Variants in ZNF469 observed in about 807,000 individuals in gnomAD.
The protein encoded by ZNF469 is zinc finger protein 469.
A neutral mutation model predicts 1.0 loss-of-function variants in ZNF469; 1 was observed. That is an observed-to-expected ratio of 1.00 (90% CI 0.35 to 4.73). The LOEUF (loss-of-function observed/expected upper bound fraction) is 4.73, where lower values mean the gene tolerates loss of function less well. ZNF469 is among the 30% of genes most tolerant of loss of function. The pLI is 0.16. For missense variants in ZNF469, 6,100 were observed against 5,356.3 expected (o/e 1.14, Z -4.33); for synonymous variants, 2,703 against 2,363.4 (o/e 1.14, Z -4.17).
At chr16:88,128,484 A>G in the ZNF469 span, among the ~76,000 whole-genome samples, 1 of 152,134 alleles carries the variant, frequency 6.6e-6, no homozygotes, top group Admixed American at 6.5e-5. Context: ...ATGAAGTGGC[A>G]CCATTGTGGT....
At chr16:88,302,093 G>A in the ZNF469 span, among the ~76,000 whole-genome samples, 3 of 152,208 alleles carry the variant, frequency 2.0e-5, no homozygotes, top group African/African-American at 7.2e-5. Context: ...AGCAGATGCT[G>A]CTGAGAACAG....
At chr16:88,342,412 C>G in the ZNF469 span, among the ~76,000 whole-genome samples, 1 of 152,162 alleles carries the variant, frequency 6.6e-6, no homozygotes. Flanking sequence ...ATGGCCGAAC[C>G]TGGATGGAGC....
intron 1 of ZNF469, among the ~76,000 whole-genome samples, chr16:88,383,562 C>T (rs1210113598): frequency 6.7e-6 from 1 of 150,248 alleles, no homozygotes; most frequent in Non-Finnish European, 1.5e-5. Flanking sequence ...GTTTGGGAAG[C>T]GCCCGGGCAA....
the ZNF469 span, among the ~76,000 whole-genome samples, chr16:88,260,313 G>A: frequency 3.3e-5 from 5 of 152,286 alleles, no homozygotes; most frequent in South Asian, 2.1e-4. The surrounding 1 kb of genome is among the most constrained non-coding windows in gnomAD (Gnocchi z 4.1). Flanking sequence ...AAAAGCATTC[G>A]GCTGAATGAG....
the ZNF469 span, among the ~76,000 whole-genome samples, chr16:88,354,365 G>A: frequency 6.6e-6 from 1 of 152,172 alleles, no homozygotes; most frequent in Non-Finnish European, 1.5e-5. Context: ...CGGCTCCCTG[G>A]ATATTCTCTG....
rs1906517244 is a variant in ZNF469 at position 88,435,643 on chromosome 16, C to T, written c.8173C>T (p.Pro2725Ser). 6.5e-7 allele frequency: 1 copy of T among 1,550,336 alleles called. No homozygotes were observed. The highest frequency in any genetic ancestry group is 8.7e-7 in the Non-Finnish European group (1 of 1,146,990). The change falls in exon 3 of 3, where the codon CCT becomes TCT. Residue 2725 changes from proline (P) to serine (S), a missense_variant. Transcript: ENST00000565624. ...CAGETGAQKP[P>S]GDRMLCPGRM... ...AGGGGAGACTGGGGCCCAGAAGCCA[C>T]CTGGAGATCGGATGCTGTGTCCAGG...
chr16:88,106,125 G>A, the ZNF469 span, among the ~76,000 whole-genome samples: 1 of 152,240 alleles, frequency 6.6e-6, no homozygotes, highest in Non-Finnish European at 1.5e-5. Context: ...CACAGTGTGT[G>A]TCCTTCTTGG....
chr16:88,239,250 TGA>T, the ZNF469 span, among the ~76,000 whole-genome samples: 1 of 152,160 alleles, frequency 6.6e-6, no homozygotes, highest in African/African-American at 2.4e-5. Flanking sequence ...TCCAGAGTTG[TGA>T]GTTGGGTAGA....
chr16:88,268,988 G>A, the ZNF469 span, among the ~76,000 whole-genome samples: 119 of 152,300 alleles, frequency 7.8e-4, no homozygotes, highest in African/African-American at 2.6e-3. Context: ...GGAAGGTCAC[G>A]GGCTGCCGGG....
At position 88,429,711 on chromosome 16, in the gene ZNF469, G is replaced by A. The variant is rs1183646237; in HGVS notation, c.2241G>A (p.Leu747=). ...ACTACAGCAGCCTGGCGGCCTTCCT[G>A]GCCCACCGGCAGTTCTGTGGCCTGC... ...DRNYSSLAAF[L]AHRQFCGLLL... is the part of the protein sequence containing the mutation. Residue 747 remains leucine (L), a synonymous_variant, in exon 3 of 3, where the codon CTG becomes CTA. Coordinates refer to ENST00000565624, the MANE Select transcript of ZNF469 (RefSeq NM_001367624.2). 1.3e-6 allele frequency: 2 copies of A among 1,543,070 alleles called. No individual in the cohort carries two copies. Among genetic ancestry groups the A allele is most frequent in the Admixed American group, 2.0e-5 (1 of 50,870 alleles).
At chr16:88,256,357 TC>T in the ZNF469 span, among the ~76,000 whole-genome samples, 1 of 152,232 alleles carries the variant, frequency 6.6e-6, no homozygotes, top group Non-Finnish European at 1.5e-5. Context: ...CACTTACATG[TC>T]CTCCACATCC....
the ZNF469 span, among the ~76,000 whole-genome samples, chr16:88,304,502 G>A: frequency 3.5e-4 from 53 of 152,194 alleles, no homozygotes; most frequent in African/African-American, 1.2e-3. Context: ...GACTTTTGGT[G>A]ACAGACTCAC....
chr16:88,289,476 C>G, the ZNF469 span, among the ~76,000 whole-genome samples: 1 of 152,034 alleles, frequency 6.6e-6, no homozygotes, highest in Non-Finnish European at 1.5e-5. Context: ...ACAATTACAC[C>G]GATCTGTGAC....
chr16:88,133,374 C>T, the ZNF469 span, among the ~76,000 whole-genome samples: 1 of 152,256 alleles, frequency 6.6e-6, no homozygotes, highest in Non-Finnish European at 1.5e-5. Context: ...CTCTGCAACC[C>T]TCCCTGTCAA....
the ZNF469 span, among the ~76,000 whole-genome samples, chr16:88,278,778 T>G: frequency 7.3e-6 from 1 of 136,922 alleles, no homozygotes; most frequent in Non-Finnish European, 1.6e-5. Context: ...ACTTGGTCAG[T>G]ACCGTGTAGA....
rs1597211050 is a variant in ZNF469, at chr16:88,433,641, C to A, written c.6171C>A (p.Ser2057Arg). 6.5e-7 allele frequency: 1 copy of A among 1,550,038 alleles called. No homozygotes were observed. Among genetic ancestry groups the A allele is most frequent in the African/African-American group, 1.4e-5 (1 of 73,036 alleles). The change falls in exon 3 of 3, where the codon AGC becomes AGA. Residue 2057 changes from serine (S) to arginine (R), a missense_variant. Physicochemically the swap from Ser to Arg is moderately radical, Grantham distance 110. Coordinates refer to ENST00000565624, the MANE Select transcript of ZNF469 (RefSeq NM_001367624.2). ...SLQEEAEPTPSPPSPNRESLA... is the reference protein window; with the variant it reads ...SLQEEAEPTPRPPSPNRESLA... Reference sequence around the variant, plus strand: ...AGGAGGAGGCCGAGCCCACCCCAAGCCCCCCGTCCCCTAATAGGGAGTCCC... The same window carrying A: ...AGGAGGAGGCCGAGCCCACCCCAAGACCCCCGTCCCCTAATAGGGAGTCCC...
the ZNF469 span, among the ~76,000 whole-genome samples, chr16:88,326,052 C>G: frequency 2.0e-5 from 3 of 152,248 alleles, no homozygotes; most frequent in Non-Finnish European, 4.4e-5. Flanking sequence ...AGAGGAGGGG[C>G]TGCCAACCCA....
chr16:88,216,493 C>CA, the ZNF469 span, among the ~76,000 whole-genome samples: 61,258 of 136,296 alleles, frequency 0.45, 13,550 homozygotes, highest in Non-Finnish European at 0.51. Flanking sequence ...GACTCCGTCT[C>CA]AAAAAAAAAA....
the ZNF469 span, among the ~76,000 whole-genome samples, chr16:88,323,071 C>T: frequency 6.6e-6 from 1 of 152,204 alleles, no homozygotes; most frequent in Non-Finnish European, 1.5e-5. Context: ...GCACATGAGC[C>T]TCAGTTCCCC....
Sources: gnomAD v4.1 joint callset for allele counts (sites outside exome capture counted in the v4.1 genomes callset) on GRCh38, gnomAD v4.1.1 for gene constraint, Gnocchi (gnomAD v3.1) non-coding constraint, MANE v1.5 for transcripts, NCBI Gene and HGNC (gene_info 2026-07-23, HGNC 2026-07-21) for gene names.